Variants in TUBGCP5 observed in about 807,000 individuals in gnomAD.
The protein encoded by TUBGCP5 is gamma-tubulin complex component 5.
In TUBGCP5, 98 loss-of-function variants were observed where a neutral mutation model predicts 134.7. The ratio of observed to expected loss-of-function variants is 0.73; its 90% confidence interval spans 0.62 to 0.86. TUBGCP5 has a LOEUF of 0.86. Ranked by LOEUF, TUBGCP5 falls within the 40% of genes least tolerant of loss-of-function variation. TUBGCP5 has a pLI of 0.00. For missense variants in TUBGCP5, 1,150 were observed against 1,244.8 expected, an observed-to-expected ratio of 0.92 and a Z score of 1.15; for synonymous variants, 456 against 431.4, an observed-to-expected ratio of 1.06 and a Z score of -0.71.
At chr15:23,004,312 TCTA>T (rs2064575159) in intron 19 of TUBGCP5, 85 bp from the exon 20 acceptor site, 1 of 1,476,146 alleles carries the variant, frequency 6.8e-7, no homozygotes, top group Admixed American at 2.2e-5. Flanking sequence ...ACTAAGCTCT[TCTA>T]CTCCTCTCAA....
chr15:23,012,694 T>C (rs1397654870), intron 13 of TUBGCP5, among the ~76,000 whole-genome samples: 1 of 152,164 alleles, frequency 6.6e-6, no homozygotes, highest in Non-Finnish European at 1.5e-5. Context: ...CATAAAACTT[T>C]GAATATATTA....
At chr15:23,023,680 G>A (rs965477648) in intron 10 of TUBGCP5, 9 of 330,790 alleles carry the variant, frequency 2.7e-5, no homozygotes, top group Non-Finnish European at 5.0e-5. Context: ...CCAAGGACCT[G>A]GCTGTCTCTG....
chr15:22,986,145 A>AAAT (rs1555430390), intron 23 of TUBGCP5, among the ~76,000 whole-genome samples: 23 of 88,004 alleles, frequency 2.6e-4, no homozygotes, highest in African/African-American at 8.1e-4. Context: ...AAAAAAAAAA[A>AAAT]AAAATAATAA....
chr15:23,031,809 T>G, intron 5 of TUBGCP5, 141 bp downstream of exon 5: 1 of 522,602 alleles, frequency 1.9e-6, no homozygotes, highest in Non-Finnish European at 3.3e-6. Context: ...TCCTAATCAG[T>G]CTTCCATAAT....
intron 13 of TUBGCP5, among the ~76,000 whole-genome samples, chr15:23,014,216 C>T (rs2065192595): frequency 1.3e-5 from 2 of 152,202 alleles, no homozygotes; most frequent in Non-Finnish European, 2.9e-5. Flanking sequence ...ACAGCATCAA[C>T]CCCTTGCAGA....
chr15:23,006,663 G>A (rs1029327305), intron 16 of TUBGCP5, among the ~76,000 whole-genome samples: 6 of 152,148 alleles, frequency 3.9e-5, no homozygotes, highest in Non-Finnish European at 7.4e-5. Context: ...CTGGGAAGAT[G>A]AAGCCTCTGC....
chr15:22,988,946 A>G (rs1435608256), intron 23 of TUBGCP5, among the ~76,000 whole-genome samples: 7 of 151,726 alleles, frequency 4.6e-5, no homozygotes, highest in Admixed American at 4.6e-4. Context: ...ATTGGTGTAG[A>G]GGCCACTCAC....
chr15:23,012,415 CT>C (rs200908244), intron 13 of TUBGCP5, among the ~76,000 whole-genome samples: 5 of 149,828 alleles, frequency 3.3e-5, no homozygotes, highest in East Asian at 2.0e-4. Flanking sequence ...GTTGATAAAA[CT>C]TTTTTTTTTG....
chr15:22,998,463 C>CT (rs954188184), downstream of TUBGCP5, among the ~76,000 whole-genome samples: 20 of 151,574 alleles, frequency 1.3e-4, no homozygotes, highest in Admixed American at 8.6e-4. Flanking sequence ...TTCTTTCTTT[C>CT]TTTTTTTTTG....
In TUBGCP5 at chr15:23,018,028, G is replaced by C; in HGVS notation, c.1501C>G (p.Pro501Ala). 2 of 1,606,318 alleles carry C rather than the reference G, an allele frequency of 1.2e-6. No homozygotes were observed. Among genetic ancestry groups the C allele is most frequent in the Non-Finnish European group, 8.5e-7 (1 of 1,175,346 alleles). Residue 501 changes from proline (P) to alanine (A), a missense_variant, in exon 13 of 23, where the codon CCA (proline) becomes GCA (alanine). Coordinates refer to ENST00000615383, the MANE Select transcript of TUBGCP5 (RefSeq NM_052903.6). Reference sequence around the variant, plus strand: ...TACCAGAAGTCTCTGTGATTAACTGGAACATTTTTGTTTCTAAAGAGATTC... The same window carrying C: ...TACCAGAAGTCTCTGTGATTAACTGCAACATTTTTGTTTCTAAAGAGATTC... ...EFIIQRNKNV[P>A]VNHRDFWYAT...
intron 12 of TUBGCP5, 65 bp downstream of exon 12, chr15:23,019,154 G>C (rs2065509444): frequency 8.4e-7 from 1 of 1,185,634 alleles, no homozygotes; most frequent in Non-Finnish European, 1.2e-6. Flanking sequence ...GAAAGCATTT[G>C]ATTTTCATGG....
chr15:23,033,520 G>A (rs1231611426), intron 3 of TUBGCP5, among the ~76,000 whole-genome samples: 2 of 152,048 alleles, frequency 1.3e-5, no homozygotes, highest in African/African-American at 4.8e-5. Flanking sequence ...CTCATGATCC[G>A]CCCACCTTGG....
At position 23,039,400 on chromosome 15, in the gene TUBGCP5, G is replaced by A. The variant is rs1002279288; in HGVS notation, c.144C>T (p.Phe48=). The part of the protein sequence containing the change: ...QLALNFAWSN[F]RFHRFLDVNS... ...CGCCCGCGCGCCGTGCCCCACACCT[G>A]AAGTTGGACCAGGCGAAGTTTAGGG... The change falls in exon 1 of 23, where the codon TTC becomes TTT. Residue 48 remains phenylalanine, a splice_region_variant and synonymous_variant. Transcript: ENST00000615383. 59 of 1,490,658 alleles carry A rather than the reference G, an allele frequency of 4.0e-5. No homozygotes were observed. Among genetic ancestry groups the A allele is most frequent in the Non-Finnish European group, 4.9e-5 (54 of 1,110,838 alleles). The allele number at this position is 1,490,658 out of a possible 1,614,324, so 92.3% of individuals were successfully genotyped here. A position where few individuals can be genotyped will look rare whatever the true frequency, so the allele number is the denominator to read the frequency against.
intron 13 of TUBGCP5, among the ~76,000 whole-genome samples, chr15:23,015,087 G>GT (rs1208318342): frequency 1.3e-5 from 2 of 152,042 alleles, no homozygotes; most frequent in Non-Finnish European, 2.9e-5. Context: ...CTGTGCTACT[G>GT]TTTGTTTTTT....
At chr15:23,021,146 T>G (rs994263247) in intron 11 of TUBGCP5, among the ~76,000 whole-genome samples, 3 of 151,976 alleles carry the variant, frequency 2.0e-5, no homozygotes, top group African/African-American at 7.3e-5. Context: ...ACTTTAAAAA[T>G]TTTTTGTAGA....
chr15:23,035,616 T>A (rs907705119), intron 3 of TUBGCP5, among the ~76,000 whole-genome samples: 1 of 152,056 alleles, frequency 6.6e-6, no homozygotes, highest in Non-Finnish European at 1.5e-5. Flanking sequence ...CAGGCAGTCA[T>A]CCTCACTCAC....
In TUBGCP5 at chr15:23,018,898, G is replaced by A. The variant is rs530474348; in HGVS notation, c.1487+321C>T. On this transcript the variant is annotated intron_variant, in intron 12 of 22. Coordinates refer to ENST00000615383, the MANE Select transcript of TUBGCP5 (RefSeq NM_052903.6). The stretch of plus-strand genomic sequence containing the variant: ...CTGATAATTTACAATGGAAATAGCT[G>A]AAACCATATGATATCATCTAAACTC... Among the ~76,000 whole-genome samples, 50 of 152,238 alleles carry A rather than the reference G, an allele frequency of 3.3e-4. 2 individuals carry two copies. In the South Asian group the frequency reaches 9.5e-3, roughly 29 times the overall value.
At chr15:23,003,551 G>A (rs1595822854) in intron 20 of TUBGCP5, among the ~76,000 whole-genome samples, 1 of 151,106 alleles carries the variant, frequency 6.6e-6, no homozygotes, top group Non-Finnish European at 1.5e-5. Context: ...CAAGAGTAAC[G>A]CAGAGTGAGT....
At chr15:22,988,938 T>C (rs1226051990) in intron 23 of TUBGCP5, among the ~76,000 whole-genome samples, 1 of 151,824 alleles carries the variant, frequency 6.6e-6, no homozygotes, top group African/African-American at 2.4e-5. Flanking sequence ...TTCTCCATAT[T>C]GGTGTAGAGG....
Sources: allele counts gnomAD v4.1 joint callset (sites outside exome capture counted in the v4.1 genomes callset), GRCh38; gene constraint gnomAD v4.1.1; transcripts MANE v1.5; gene names NCBI Gene and HGNC (gene_info 2026-07-23, HGNC 2026-07-21).